The following MBP variants were observed in gnomAD, a reference collection of about 807,000 sequenced individuals.
The protein encoded by MBP is myelin basic protein, also known as Golli-MBP.
In MBP, 16 loss-of-function variants were observed where a neutral mutation model predicts 35.8. The observed-to-expected ratio is 0.45, with a 90% CI of 0.30 to 0.68. The LOEUF (loss-of-function observed/expected upper bound fraction) is 0.68, where lower values mean the gene tolerates loss of function less well. Among genes scored for constraint, MBP ranks in the 30% least tolerant of loss-of-function variants. The pLI is 0.08. For missense variants in MBP, 380 were observed against 404.7 expected (o/e 0.94, Z 0.52); for synonymous variants, 143 against 159.6 (o/e 0.90, Z 0.78).
chr18:77,009,760 A>C, intron 4 of MBP: 1 of 1,206,200 alleles, frequency 8.3e-7, no homozygotes. Context: ...TGGCAGTGAC[A>C]CTACCTGCCC....
In MBP at chr18:76,988,630, A is replaced by C; in HGVS notation, c.718-103T>G. 6.6e-7 allele frequency: 1 copy of C among 1,526,404 alleles called. No individual in the cohort carries two copies. The highest frequency in any genetic ancestry group is 1.8e-4 in the Middle Eastern group (1 of 5,656). 94.6% of individuals were successfully genotyped at this position (1,526,404 alleles called of 1,614,324 possible). A position where few individuals can be genotyped will look rare whatever the true frequency, so the allele number is the denominator to read the frequency against. Reference sequence around the variant, plus strand: ...CAAAGCACAGTGGAGCTGAGGTGGTAAAAACAGGTTCCACCCGGAGCTCCG... The same window carrying C: ...CAAAGCACAGTGGAGCTGAGGTGGTCAAAACAGGTTCCACCCGGAGCTCCG... On this transcript the variant is annotated intron_variant, in intron 6 of 8. Coordinates refer to ENST00000355994, the MANE Select transcript of MBP (RefSeq NM_001025101.2). This position sits in a 1 kb window ranked among gnomAD's most constrained non-coding sequence, Gnocchi z 5.2.
chr18:76,980,082 C>T lies in MBP; in HGVS notation c.*345G>A, dbSNP rs1282391199. On this transcript the variant is annotated 3_prime_UTR_variant, in exon 9 of 9. Transcript: ENST00000355994. ...CAAAAGCGCAAGGGTGCCGCAGCCACGGCGAAAAGAAAGTCCAAGGGTGGA... is the reference window on the plus strand; with the variant it reads ...CAAAAGCGCAAGGGTGCCGCAGCCATGGCGAAAAGAAAGTCCAAGGGTGGA... 5 of 697,698 alleles carry T rather than the reference C, an allele frequency of 7.2e-6. No homozygotes were observed. The highest frequency in any genetic ancestry group is 2.7e-5 in the East Asian group (1 of 37,274). The allele number at this position is 697,698 out of a possible 1,614,324, so 43.2% of individuals were successfully genotyped here. A position where few individuals can be genotyped will look rare whatever the true frequency, so the allele number is the denominator to read the frequency against.
upstream of MBP, chr18:77,132,851 G>C (rs1251573203): frequency 6.6e-6 from 1 of 151,916 alleles, no homozygotes; most frequent in Non-Finnish European, 1.5e-5. Context: ...GGCTTCCTGC[G>C]AGCCAGGTAA....
intron 7 of MBP, chr18:76,985,413 C>T (rs766511847): frequency 2.3e-5 from 28 of 1,215,542 alleles, no homozygotes; most frequent in Non-Finnish European, 2.8e-5. Context: ...CACATGTGCC[C>T]TGTGGTTCTA....
chr18:77,121,928 A>G (rs559304410), intron 1 of MBP, among the ~76,000 whole-genome samples: 1 of 152,318 alleles, frequency 6.6e-6, no homozygotes, highest in African/African-American at 2.4e-5. Context: ...CAGCTCCTCA[A>G]ATATGTGAGA....
intron 7 of MBP, chr18:76,987,619 T>C (rs1599469748): frequency 1.0e-6 from 1 of 985,574 alleles, no homozygotes; most frequent in South Asian, 4.7e-5. Flanking sequence ...TGCTTATTAA[T>C]TGAGCAGAAA....
chr18:77,119,195 G>A (rs1455824825), intron 1 of MBP, among the ~76,000 whole-genome samples: 1 of 152,174 alleles, frequency 6.6e-6, no homozygotes, highest in African/African-American at 2.4e-5. Flanking sequence ...TTGGGGACCT[G>A]GAAGCCTCGG....
chr18:77,107,589 T>G (rs2145148291), intron 1 of MBP, among the ~76,000 whole-genome samples: 1 of 152,340 alleles, frequency 6.6e-6, no homozygotes, highest in East Asian at 1.9e-4. Context: ...AAGGGGCTCT[T>G]GAACGCAGCT....
chr18:77,077,803 T>G (rs1461241041), intron 2 of MBP, among the ~76,000 whole-genome samples: 1 of 152,230 alleles, frequency 6.6e-6, no homozygotes, highest in Admixed American at 6.5e-5. Context: ...CTAACAATTT[T>G]CTTTGGAAAA....
chr18:77,025,990 C>T (rs1231395122), intron 3 of MBP, among the ~76,000 whole-genome samples: 7 of 152,232 alleles, frequency 4.6e-5, no homozygotes, highest in Admixed American at 2.6e-4. Context: ...GTGCATCGCT[C>T]ATCCCGCTCG....
intron 1 of MBP, chr18:77,115,264 T>G (rs1386603106): frequency 6.6e-6 from 1 of 152,188 alleles, no homozygotes; most frequent in Non-Finnish European, 1.5e-5. Context: ...TGGTGTTAAC[T>G]GAAGAATGTT....
chr18:77,020,240 C>T lies in MBP; in HGVS notation c.140-2972G>A, dbSNP rs952931756. Among the ~76,000 whole-genome samples the T allele has an allele frequency of 1.3e-5, 2 of 151,972 alleles. No individual in the cohort carries two copies. The highest frequency in any genetic ancestry group is 2.9e-5 in the Non-Finnish European group (2 of 68,002). On this transcript the variant is annotated intron_variant, in intron 3 of 8. Coordinates refer to ENST00000355994, the MANE Select transcript of MBP (RefSeq NM_001025101.2). The surrounding 1 kb of genome is among the most constrained non-coding windows in gnomAD (Gnocchi z 4.1). ...TGGGACACTAAGGAAAGAAAGGTCT[C>T]TGGCCTGGGGTGGGGGAGTGGGGAG...
At chr18:77,123,260 A>G (rs1976944272) in intron 1 of MBP, among the ~76,000 whole-genome samples, 1 of 152,256 alleles carries the variant, frequency 6.6e-6, no homozygotes, top group South Asian at 2.1e-4. Context: ...ATGAGTATCC[A>G]TAAACGTTCC....
intron 2 of MBP, chr18:77,067,827 C>T: frequency 5.8e-6 from 3 of 513,632 alleles, no homozygotes; most frequent in Non-Finnish European, 1.2e-5. Context: ...CATTCTTTTC[C>T]TTCTGGAGAG....
At chr18:77,038,725 A>T (rs1390492841) in intron 3 of MBP, among the ~76,000 whole-genome samples, 1 of 152,272 alleles carries the variant, frequency 6.6e-6, no homozygotes, top group African/African-American at 2.4e-5. Flanking sequence ...ATATGTATGC[A>T]TATATGTACA....
At position 76,989,255 on chromosome 18, in the gene MBP, C is replaced by T. The variant is rs1969755323; in HGVS notation, c.682-343G>A. Reference sequence around the variant, plus strand: ...CCTTTCCGGGGCTAGGAGTAGCGGGCCCTCTGACATTCAGAGCTTCCAAGG... The same window carrying T: ...CCTTTCCGGGGCTAGGAGTAGCGGGTCCTCTGACATTCAGAGCTTCCAAGG... On this transcript the variant is annotated intron_variant, in intron 5 of 8. Transcript: ENST00000355994. This position sits in a 1 kb window ranked among gnomAD's most constrained non-coding sequence, Gnocchi z 4.0. Among the ~76,000 whole-genome samples the T allele has an allele frequency of 6.6e-6, 1 of 152,154 alleles. No individual in the cohort carries two copies. Among genetic ancestry groups the T allele is most frequent in the Admixed American group, 6.5e-5 (1 of 15,278 alleles).
chr18:77,061,381 T>A (rs145823277), intron 3 of MBP, among the ~76,000 whole-genome samples: 2 of 152,254 alleles, frequency 1.3e-5, no homozygotes, highest in Non-Finnish European at 2.9e-5. Flanking sequence ...CTGAAAATAC[T>A]AGCCAATGTT....
In MBP at chr18:76,996,744, G is replaced by A. The variant is rs192683055; in HGVS notation, c.577-6684C>T. Among the ~76,000 whole-genome samples the A allele has an allele frequency of 1.1e-4, 16 of 152,220 alleles. No homozygotes were observed. In the East Asian group the frequency reaches 3.1e-3, roughly 29 times the overall value. On this transcript the variant is annotated intron_variant, in intron 4 of 8. Transcript: ENST00000355994. ...GGTGCAGTGTGGACCACGAGGGAGG[G>A]GGACGTGGGAGGATTTGGGGTTGTG...
Position 77,102,140 on chromosome 18 carries a change from A to AGAAGGTGGCAGCAGGGT in MBP, c.51+3054_51+3070dup, listed in dbSNP as rs1403437744. On this transcript the variant is annotated intron_variant, in intron 2 of 8. Coordinates refer to ENST00000355994, the MANE Select transcript of MBP (RefSeq NM_001025101.2). The surrounding 1 kb of genome is among the most constrained non-coding windows in gnomAD (Gnocchi z 4.4). Reference sequence around the variant, plus strand: ...ATCTAGTGTGGGTGGGGAGAGGTGGAGAAGGTGGCAGCAGGGTGGGAAGGA... The same window carrying AGAAGGTGGCAGCAGGGT: ...ATCTAGTGTGGGTGGGGAGAGGTGGAGAAGGTGGCAGCAGGGTGAAGGTGGCAGCAGGGTGGGAAGGA... 6.6e-6 allele frequency among the ~76,000 whole-genome samples: 1 copy of AGAAGGTGGCAGCAGGGT among 151,964 alleles called. No homozygotes were observed. The highest frequency in any genetic ancestry group is 1.9e-4 in the East Asian group (1 of 5,184).
Sources: gnomAD v4.1 joint callset for allele counts (sites outside exome capture counted in the v4.1 genomes callset) on GRCh38, gnomAD v4.1.1 for gene constraint, Gnocchi (gnomAD v3.1) non-coding constraint, MANE v1.5 for transcripts, NCBI Gene and HGNC (gene_info 2026-07-23, HGNC 2026-07-21) for gene names.